Variants in EIF3M observed in about 807,000 individuals in gnomAD.
The protein encoded by EIF3M is eukaryotic translation initiation factor 3 subunit M.
EIF3M carries 25 observed loss-of-function variants against 49.7 expected under a neutral mutation model. That is an observed-to-expected ratio of 0.50 (90% CI 0.37 to 0.70). The LOEUF is 0.70. EIF3M is among the 30% of genes least tolerant of loss of function. The probability of loss-of-function intolerance (pLI) is 0.00; values close to 1 mark genes in which losing one functional copy is unlikely to be tolerated. For synonymous variants in EIF3M, 156 were observed against 149.8 expected (o/e 1.04, Z -0.30); for missense variants, 350 against 440.0 (o/e 0.80, Z 1.83).
chr11:32,597,091 A>G (rs2133201773), intron 8 of EIF3M, among the ~76,000 whole-genome samples: 1 of 152,314 alleles, frequency 6.6e-6, no homozygotes, highest in East Asian at 1.9e-4. Flanking sequence ...TTTAAAATTT[A>G]GAGATGGAGG....
intron 8 of EIF3M, 101 bp from the exon 9 acceptor site, chr11:32,600,588 T>C (rs1855245213): frequency 2.3e-6 from 3 of 1,324,110 alleles, no homozygotes; most frequent in South Asian, 4.1e-5. Context: ...TTTCCACAAT[T>C]ACAAAAGTAA....
chr11:32,588,860 G>A, intron 3 of EIF3M, 128 bp downstream of exon 3: 9 of 1,545,108 alleles, frequency 5.8e-6, no homozygotes, highest in Non-Finnish European at 7.9e-6. Context: ...TGTGACCTTG[G>A]GCAAGTGGCT....
intron 7 of EIF3M, among the ~76,000 whole-genome samples, chr11:32,595,356 A>T (rs1221640609): frequency 2.0e-5 from 3 of 152,114 alleles, no homozygotes; most frequent in African/African-American, 2.4e-5. Context: ...TTCCAGGAGA[A>T]GTAGCTGGGA....
chr11:32,602,235 G>T, intron 10 of EIF3M, 44 bp from the exon 11 acceptor site: 1 of 1,592,282 alleles, frequency 6.3e-7, no homozygotes. Context: ...AATACCAGAG[G>T]CTAAAAGGTT....
intron 1 of EIF3M, among the ~76,000 whole-genome samples, chr11:32,586,267 G>A (rs1181598364): frequency 1.3e-5 from 2 of 152,072 alleles, no homozygotes; most frequent in East Asian, 3.9e-4. Context: ...AAAAAACTGC[G>A]TTTGTTTGGC....
intron 1 of EIF3M, among the ~76,000 whole-genome samples, chr11:32,585,086 CT>C (rs1854974248): frequency 6.6e-6 from 1 of 152,136 alleles, no homozygotes; most frequent in South Asian, 2.1e-4. Flanking sequence ...TGAGTTCCCC[CT>C]CTCTCCTCCC....
rs112431914 is a variant in EIF3M, at chr11:32,585,274, T to C, written c.42+1345T>C. On this transcript the variant is annotated intron_variant, in intron 1 of 10. Coordinates refer to ENST00000531120, the MANE Select transcript of EIF3M (RefSeq NM_006360.6). ...ATGTTACCAACAGTTGGCTGTTAGG[T>C]TAACTGAGAAAGTGTTTGGAATTTT... Among the ~76,000 whole-genome samples, 540 of 152,278 alleles carry C rather than the reference T, an allele frequency of 3.5e-3. 6 individuals carry two copies. The highest frequency in any genetic ancestry group is 0.013 in the African/African-American group (520 of 41,552).
chr11:32,604,603 T>G lies in EIF3M; in HGVS notation c.*2204T>G, dbSNP rs1855321443. On this transcript the variant is annotated 3_prime_UTR_variant, in exon 11 of 11. Coordinates refer to ENST00000531120, the MANE Select transcript of EIF3M (RefSeq NM_006360.6). Reference sequence around the variant, plus strand: ...TATGCTATGTTAAACATTTTTAGCATTTCCTCCTGTTCTTAAGTCTGTTAA... The same window carrying G: ...TATGCTATGTTAAACATTTTTAGCAGTTCCTCCTGTTCTTAAGTCTGTTAA... The G allele has an allele frequency of 6.6e-6, 1 of 152,224 alleles. No individual in the cohort carries two copies. Among genetic ancestry groups the G allele is most frequent in the Non-Finnish European group, 1.5e-5 (1 of 68,042 alleles). The allele number at this position is 152,224 out of a possible 1,614,324, so 9.4% of individuals were successfully genotyped here.
Position 32,600,819 on chromosome 11 carries a change from A to G in EIF3M, c.930A>G (p.Ala310=). Residue 310 remains alanine, a synonymous_variant, in exon 9 of 11, where the codon GCA becomes GCG. Transcript: ENST00000531120. ...AGATTGGAGCTGATGATGTTGAAGC[A>G]TTTGTTATTGACGGTAAGGCAGACA... The part of the protein sequence containing the change: ...ELQIGADDVE[A]FVIDAVRTKM... 1 of 1,606,772 alleles carries G rather than the reference A, an allele frequency of 6.2e-7. No individual in the cohort carries two copies. Among genetic ancestry groups the G allele is most frequent in the Admixed American group, 1.7e-5 (1 of 58,946 alleles).
intron 5 of EIF3M, among the ~76,000 whole-genome samples, chr11:32,590,557 C>T (rs1178422086): frequency 1.3e-5 from 2 of 152,134 alleles, no homozygotes; most frequent in Admixed American, 6.5e-5. Context: ...CAAGGAACCT[C>T]ATCTGTAAAC....
chr11:32,593,986 C>T (rs376891140), intron 6 of EIF3M, 37 bp downstream of exon 6: 44 of 1,351,926 alleles, frequency 3.3e-5, no homozygotes, highest in Non-Finnish European at 4.0e-5. Flanking sequence ...GGTTTGACAG[C>T]GATGTAGAGG....
intron 7 of EIF3M, 54 bp downstream of exon 7, chr11:32,595,067 T>C (rs1855159251): frequency 6.7e-7 from 1 of 1,496,386 alleles, no homozygotes; most frequent in East Asian, 2.3e-5. Context: ...AAATTTTACA[T>C]ACTGAAGCAG....
chr11:32,588,831 A>T, intron 3 of EIF3M, 99 bp downstream of exon 3: 1 of 1,573,586 alleles, frequency 6.4e-7, no homozygotes, highest in Admixed American at 1.8e-5. Flanking sequence ...CTTGACTCTC[A>T]GCTGTGGCTC....
intron 1 of EIF3M, among the ~76,000 whole-genome samples, chr11:32,586,170 A>T (rs527505592): frequency 3.6e-4 from 55 of 152,284 alleles, no homozygotes; most frequent in Non-Finnish European, 6.2e-4. Context: ...CAGAGGTTGC[A>T]GTGAGCCGGG....
intron 1 of EIF3M, chr11:32,584,415 G>GTA (rs1854959634): frequency 1.3e-5 from 2 of 159,620 alleles, no homozygotes; most frequent in African/African-American, 4.8e-5. Flanking sequence ...AGACCATCCT[G>GTA]GCTAACACGG....
At position 32,602,484 on chromosome 11, in the gene EIF3M, CT is replaced by C; in HGVS notation, c.*86del. 1 of 1,467,252 alleles carries C rather than the reference CT, an allele frequency of 6.8e-7. No homozygotes were observed. The highest frequency in any genetic ancestry group is 9.1e-7 in the Non-Finnish European group (1 of 1,096,192). The allele number at this position is 1,467,252 out of a possible 1,614,324, so 90.9% of individuals were successfully genotyped here. On this transcript the variant is annotated 3_prime_UTR_variant, in exon 11 of 11. Coordinates refer to ENST00000531120, the MANE Select transcript of EIF3M (RefSeq NM_006360.6). ...TATAAACTAAAAAAATTTGCCTAGT[CT>C]GGACAGTTATTGTCTCAAATTTATA... is the stretch of plus-strand genomic sequence containing the variant.
chr11:32,602,290 A>G lies in EIF3M; in HGVS notation c.1016A>G (p.His339Arg), dbSNP rs776717920. 5 of 1,611,658 alleles carry G rather than the reference A, an allele frequency of 3.1e-6. No individual in the cohort carries two copies. The highest frequency in any genetic ancestry group is 1.7e-5 in the Admixed American group (1 of 59,956). Residue 339 changes from histidine to arginine, a missense_variant, in exon 11 of 11, where the codon CAT (histidine) becomes CGT (arginine). His to Arg is a conservative substitution (Grantham distance 29). Transcript: ENST00000531120. ...QRKVVVSHST[H>R]RTFGKQQWQQ... ...TTTTCAATTTTTAGTCATAGCACAC[A>G]TCGGACATTTGGAAAACAGCAGTGG...
At chr11:32,598,073 C>T (rs1195870059) in intron 8 of EIF3M, among the ~76,000 whole-genome samples, 1 of 152,170 alleles carries the variant, frequency 6.6e-6, no homozygotes, top group Non-Finnish European at 1.5e-5. Flanking sequence ...AAACCACATT[C>T]TGTCCCAGTT....
chr11:32,584,148 C>CAGCT, intron 1 of EIF3M: 5 of 597,032 alleles, frequency 8.4e-6, no homozygotes, highest in Non-Finnish European at 1.5e-5. Context: ...GCTTCACCGC[C>CAGCT]AGCTCCCTGG....
Sources: allele counts gnomAD v4.1 joint callset (sites outside exome capture counted in the v4.1 genomes callset), GRCh38; gene constraint gnomAD v4.1.1; transcripts MANE v1.5; gene names NCBI Gene and HGNC (gene_info 2026-07-23, HGNC 2026-07-21).